The following CEP41 variants were observed in gnomAD, a reference collection of about 807,000 sequenced individuals.
CEP41 encodes centrosomal protein of 41 kDa.
CEP41 carries 32 observed loss-of-function variants against 44.3 expected under a neutral mutation model. The ratio of observed to expected loss-of-function variants is 0.72; its 90% CI spans 0.54 to 0.97. The LOEUF (loss-of-function observed/expected upper bound fraction) is 0.97. CEP41 is among the 50% of genes least tolerant of loss of function. CEP41 has a pLI of 0.00. For synonymous variants in CEP41, 151 were observed against 168.5 expected (o/e 0.90, Z 0.80); for missense variants, 432 against 455.2 (o/e 0.95, Z 0.46).
intron 9 of CEP41, 88 bp from the exon 10 acceptor site, chr7:130,400,342 T>G: frequency 1.1e-6 from 1 of 916,316 alleles, no homozygotes; most frequent in Non-Finnish European, 1.8e-6. Context: ...TCTTCTAATC[T>G]CTGGTCATCA....
intron 6 of CEP41, among the ~76,000 whole-genome samples, chr7:130,403,313 T>C (rs1489561341): frequency 6.6e-6 from 1 of 152,256 alleles, no homozygotes; most frequent in Non-Finnish European, 1.5e-5. Flanking sequence ...CATAGCTCTC[T>C]GTACTTACTC....
At chr7:130,419,422 T>G in intron 2 of CEP41, 1 of 985,414 alleles carries the variant, frequency 1.0e-6, no homozygotes, top group South Asian at 4.7e-5. Flanking sequence ...ATCTTAACTA[T>G]GCAGCCTATC....
At chr7:130,404,801 C>T in intron 5 of CEP41, 93 bp from the exon 6 acceptor site, 1 of 1,029,540 alleles carries the variant, frequency 9.7e-7, no homozygotes, top group Non-Finnish European at 1.5e-6. Context: ...AAAAGGAAAT[C>T]TTATCATCAT....
intron 9 of CEP41, 59 bp from the exon 10 acceptor site, chr7:130,400,313 C>A: frequency 8.3e-7 from 1 of 1,201,970 alleles, no homozygotes; most frequent in Non-Finnish European, 1.2e-6. Context: ...AGGCCAAAAC[C>A]TGGAAAGAAG....
At chr7:130,430,975 G>A (rs1252528329) in intron 1 of CEP41, among the ~76,000 whole-genome samples, 1 of 152,144 alleles carries the variant, frequency 6.6e-6, no homozygotes, top group East Asian at 1.9e-4. Flanking sequence ...GTGGACAGCT[G>A]CAGTGGCTGA....
At chr7:130,417,080 G>A (rs1797360229) in intron 2 of CEP41, 114 bp from the exon 3 acceptor site, 1 of 1,376,392 alleles carries the variant, frequency 7.3e-7, no homozygotes, top group Non-Finnish European at 1.0e-6. Flanking sequence ...TGTTCTTAGG[G>A]GATTCTGGAC....
intron 1 of CEP41, among the ~76,000 whole-genome samples, chr7:130,436,508 A>C (rs1428135726): frequency 6.6e-6 from 1 of 152,170 alleles, no homozygotes. Context: ...TTAAATCTAT[A>C]CAAGTGATAA....
chr7:130,430,555 T>G (rs782457311), intron 1 of CEP41, among the ~76,000 whole-genome samples: 3 of 152,156 alleles, frequency 2.0e-5, no homozygotes, highest in Non-Finnish European at 2.9e-5. Context: ...AGCAGATTCT[T>G]TAGTAAAAGA....
intron 9 of CEP41, 140 bp from the exon 10 acceptor site, chr7:130,400,394 T>C: frequency 1.4e-6 from 1 of 710,820 alleles, no homozygotes; most frequent in Non-Finnish European, 2.6e-6. Flanking sequence ...TCTTAACTAT[T>C]TCATCATTAA....
At position 130,411,046 on chromosome 7, in the gene CEP41, A is replaced by G. The variant is rs555182899; in HGVS notation, c.277+76T>C. ...AAAGTCCCAGTCCCTGGGAACAGACAGCAAATGTGTACAGGGTGAGTGTTT... is the reference window on the plus strand; with the variant it reads ...AAAGTCCCAGTCCCTGGGAACAGACGGCAAATGTGTACAGGGTGAGTGTTT... On this transcript the variant is annotated intron_variant, in intron 5 of 10. Transcript: ENST00000223208. 103 of 1,274,388 alleles carry G rather than the reference A, an allele frequency of 8.1e-5. No individual in the cohort carries two copies. In the African/African-American group the frequency reaches 1.3e-3, roughly 17 times the overall value. 78.9% of individuals were successfully genotyped at this position (1,274,388 alleles called of 1,614,324 possible). A position where few individuals can be genotyped will look rare whatever the true frequency, so the allele number is the denominator to read the frequency against.
intron 2 of CEP41, among the ~76,000 whole-genome samples, chr7:130,418,447 G>C (rs946053602): frequency 1.3e-5 from 2 of 152,146 alleles, no homozygotes; most frequent in East Asian, 3.8e-4. Context: ...ATACAATGGC[G>C]GAAGAAGACG....
In CEP41 at chr7:130,421,854, C is replaced by T. The variant is rs1797518870; in HGVS notation, c.98-4888G>A. On this transcript the variant is annotated intron_variant, in intron 2 of 10. Transcript: ENST00000223208. ...AGTGTCCCTTAATCAGCCTGCAGTGCTGCAAAACAGAAACCCAGAGAGGGT... is the reference window on the plus strand; with the variant it reads ...AGTGTCCCTTAATCAGCCTGCAGTGTTGCAAAACAGAAACCCAGAGAGGGT... 50 of 1,466,754 alleles carry T rather than the reference C, an allele frequency of 3.4e-5. No homozygotes were observed. The South Asian group carries it at 7.2e-4, about 21-fold the overall frequency. 90.9% of individuals were successfully genotyped at this position (1,466,754 alleles called of 1,614,324 possible). A position where few individuals can be genotyped will look rare whatever the true frequency, so the allele number is the denominator to read the frequency against.
At position 130,402,637 on chromosome 7, in the gene CEP41, C is replaced by T; in HGVS notation, c.574+11G>A. The stretch of plus-strand genomic sequence containing the variant: ...TGAGAGTGAGGCACTTTAAAGCCTT[C>T]TCTCTCTTACCTCCAACAATGTGGC... On this transcript the variant is annotated intron_variant, in intron 7 of 10. Transcript: ENST00000223208. The T allele has an allele frequency of 6.2e-7, 1 of 1,613,934 alleles. No homozygotes were observed. The highest frequency in any genetic ancestry group is 8.5e-7 in the Non-Finnish European group (1 of 1,179,854).
chr7:130,400,491 G>T (rs1554416590), intron 9 of CEP41: 2 of 637,822 alleles, frequency 3.1e-6, no homozygotes, highest in African/African-American at 3.7e-5. Flanking sequence ...CAGCATTAGG[G>T]CTTTGTGACA....
rs1554417061 is a variant in CEP41 at position 130,402,040 on chromosome 7, T to A, written c.575-92A>T. 2.2e-5 allele frequency: 19 copies of A among 862,456 alleles called. No homozygotes were observed. The East Asian group carries it at 4.6e-4, about 21-fold the overall frequency. 53.4% of individuals were successfully genotyped at this position (862,456 alleles called of 1,614,324 possible). A position where few individuals can be genotyped will look rare whatever the true frequency, so the allele number is the denominator to read the frequency against. ...GCTGGTTTAAAATCTAAGAGTTAAA[T>A]ACATCTTCAAAATCCATGAGCTGCT... On this transcript the variant is annotated intron_variant, in intron 7 of 10. Coordinates refer to ENST00000223208, the MANE Select transcript of CEP41 (RefSeq NM_018718.3).
At chr7:130,441,254 C>G, upstream of CEP41, 5 of 300,210 alleles carry the variant, frequency 1.7e-5, no homozygotes, top group East Asian at 8.9e-5. Flanking sequence ...GGAAGAGAGG[C>G]GCGGGGGGAG....
chr7:130,437,776 AAAAAAAAAAAAAG>A (rs1479410977), intron 1 of CEP41, among the ~76,000 whole-genome samples: 3 of 143,252 alleles, frequency 2.1e-5, no homozygotes, highest in South Asian at 2.3e-4. Context: ...AAAAAAAAAA[AAAAAAAAAAAAAG>A]AAAAAGAAAA....
intron 1 of CEP41, 195 bp downstream of exon 1, chr7:130,440,739 T>A (rs2117737845): frequency 1.5e-6 from 1 of 648,886 alleles, no homozygotes; most frequent in Admixed American, 2.6e-5. Flanking sequence ...AGATCGCTCC[T>A]CAAAACGGGG....
At chr7:130,418,170 G>A (rs782033546) in intron 2 of CEP41, among the ~76,000 whole-genome samples, 3 of 152,160 alleles carry the variant, frequency 2.0e-5, no homozygotes, top group Non-Finnish European at 4.4e-5. Flanking sequence ...TTCAGAGCAG[G>A]CCTGGACCTG....
Sources: allele counts gnomAD v4.1 joint callset (sites outside exome capture counted in the v4.1 genomes callset), GRCh38; gene constraint gnomAD v4.1.1; transcripts MANE v1.5; gene names NCBI Gene and HGNC (gene_info 2026-07-23, HGNC 2026-07-21).